Variants in ADAMTS16 observed in about 807,000 individuals in gnomAD.
ADAMTS16 encodes ADAM metallopeptidase with thrombospondin type 1 motif 16.
In ADAMTS16, 94 loss-of-function variants were observed where a neutral mutation model predicts 145.8. That is an observed-to-expected ratio of 0.64 (90% CI 0.55 to 0.77). The LOEUF is 0.77. ADAMTS16 is among the 30% of genes least tolerant of loss of function. ADAMTS16 has a pLI of 0.00. For missense variants in ADAMTS16, 1,585 were observed against 1,591.5 expected, an observed-to-expected ratio of 1.00 and a Z score of 0.07; for synonymous variants, 659 against 604.3, an observed-to-expected ratio of 1.09 and a Z score of -1.33.
chr5:5,164,815 T>C (rs1356635967), intron 3 of ADAMTS16, among the ~76,000 whole-genome samples: 1 of 152,196 alleles, frequency 6.6e-6, no homozygotes, highest in Admixed American at 6.5e-5. Flanking sequence ...TAGCTGGGAC[T>C]ACAGGCGCCC....
chr5:5,188,655 AT>A (rs1735576970), intron 6 of ADAMTS16, among the ~76,000 whole-genome samples: 2 of 152,132 alleles, frequency 1.3e-5, no homozygotes, highest in African/African-American at 4.8e-5. Context: ...AAAACAAAGA[AT>A]TTTTTAGATG....
At chr5:5,268,583 C>T (rs1738346733) in intron 18 of ADAMTS16, among the ~76,000 whole-genome samples, 1 of 152,174 alleles carries the variant, frequency 6.6e-6, no homozygotes, top group African/African-American at 2.4e-5. Context: ...AATAACTGCC[C>T]AGAGGTATCC....
chr5:5,158,588 G>A (rs1303673278), intron 3 of ADAMTS16, among the ~76,000 whole-genome samples: 1 of 152,190 alleles, frequency 6.6e-6, no homozygotes, highest in African/African-American at 2.4e-5. Context: ...GGCAAGTGCT[G>A]TTCACATGTG....
chr5:5,180,421 G>T (rs1735309416), intron 3 of ADAMTS16, among the ~76,000 whole-genome samples: 1 of 152,176 alleles, frequency 6.6e-6, no homozygotes, highest in Non-Finnish European at 1.5e-5. Flanking sequence ...ATCCAGCAAT[G>T]CCATTGACAT....
rs150620292 is a variant in ADAMTS16 at position 5,156,033 on chromosome 5, C to T, written c.501+9578C>T. ...CACAAGGAACAGACAGGAAGTGAGGCGTAGACAGTCCGCAGGGGCTAGACA... is the reference window on the plus strand; with the variant it reads ...CACAAGGAACAGACAGGAAGTGAGGTGTAGACAGTCCGCAGGGGCTAGACA... On this transcript the variant is annotated intron_variant, in intron 3 of 22. Transcript: ENST00000274181. Among the ~76,000 whole-genome samples, 11 of 152,116 alleles carry T rather than the reference C, an allele frequency of 7.2e-5. 1 individual carries two copies. The highest frequency in any genetic ancestry group is 3.9e-4 in the Admixed American group (6 of 15,282).
chr5:5,173,762 A>G (rs1735113893), intron 3 of ADAMTS16, among the ~76,000 whole-genome samples: 1 of 152,128 alleles, frequency 6.6e-6, no homozygotes, highest in Non-Finnish European at 1.5e-5. Flanking sequence ...ATAACTCATT[A>G]CTTTTAACTG....
chr5:5,200,110 T>TCC (rs1460111740), intron 8 of ADAMTS16, 22 bp from the exon 9 acceptor site: 1 of 1,566,708 alleles, frequency 6.4e-7, no homozygotes, highest in Admixed American at 1.8e-5. Context: ...AAGAACCATC[T>TCC]CTCTCTCTCT....
chr5:5,161,100 T>C (rs929678357), intron 3 of ADAMTS16, among the ~76,000 whole-genome samples: 1 of 152,208 alleles, frequency 6.6e-6, no homozygotes, highest in African/African-American at 2.4e-5. Flanking sequence ...CACATGGCAT[T>C]ATCTATACTA....
chr5:5,288,868 G>C (rs889676004), intron 18 of ADAMTS16, among the ~76,000 whole-genome samples: 3 of 152,192 alleles, frequency 2.0e-5, no homozygotes, highest in African/African-American at 7.2e-5. Flanking sequence ...CACTCCAGCT[G>C]TATGATGCTG....
chr5:5,268,796 G>A (rs1738356119), intron 18 of ADAMTS16, among the ~76,000 whole-genome samples: 1 of 152,132 alleles, frequency 6.6e-6, no homozygotes, highest in South Asian at 2.1e-4. Context: ...GCCCACCTCT[G>A]TGGCTGCAGC....
intron 17 of ADAMTS16, among the ~76,000 whole-genome samples, chr5:5,252,599 T>C (rs1177961849): frequency 2.0e-5 from 3 of 152,222 alleles, no homozygotes; most frequent in African/African-American, 2.4e-5. Flanking sequence ...GGTAATTTTG[T>C]AAAAAGAGGA....
At chr5:5,151,979 TGTAA>T (rs1364481313) in intron 3 of ADAMTS16, among the ~76,000 whole-genome samples, 2 of 152,314 alleles carry the variant, frequency 1.3e-5, no homozygotes, top group South Asian at 2.1e-4. Context: ...AGATTCCACG[TGTAA>T]GTGAGACCAT....
chr5:5,295,268 T>TGCC (rs1739485692), intron 18 of ADAMTS16, among the ~76,000 whole-genome samples: 1 of 152,230 alleles, frequency 6.6e-6, no homozygotes, highest in Non-Finnish European at 1.5e-5. Flanking sequence ...CTCAATATTT[T>TGCC]ACTTTTGTCT....
chr5:5,318,574 G>A (rs1734150874), intron 22 of ADAMTS16, among the ~76,000 whole-genome samples: 1 of 152,108 alleles, frequency 6.6e-6, no homozygotes, highest in South Asian at 2.1e-4. Context: ...TTCTCCCTAG[G>A]ATAAACAAAA....
At chr5:5,206,417 C>T (rs1383801917) in intron 9 of ADAMTS16, among the ~76,000 whole-genome samples, 1 of 44,978 alleles carries the variant, frequency 2.2e-5, no homozygotes, top group Non-Finnish European at 4.0e-5. Flanking sequence ...CAGAGCGAGA[C>T]TCCGTCTCAA....
At chr5:5,316,179 C>T (rs1734050254) in intron 21 of ADAMTS16, among the ~76,000 whole-genome samples, 1 of 152,170 alleles carries the variant, frequency 6.6e-6, no homozygotes, top group Non-Finnish European at 1.5e-5. Flanking sequence ...AGAACCAGCC[C>T]CAGGCCTGAT....
intron 17 of ADAMTS16, among the ~76,000 whole-genome samples, chr5:5,254,682 G>A (rs1183537972): frequency 1.3e-5 from 2 of 151,976 alleles, no homozygotes; most frequent in Non-Finnish European, 2.9e-5. Flanking sequence ...CCATTACATG[G>A]TGAAATATAT....
At chr5:5,314,575 T>A (rs1394431878) in intron 21 of ADAMTS16, among the ~76,000 whole-genome samples, 1 of 152,248 alleles carries the variant, frequency 6.6e-6, no homozygotes, top group East Asian at 1.9e-4. Context: ...CATCTCCTAG[T>A]ATATCACCAT....
At chr5:5,206,385 C>T (rs1391948153) in intron 9 of ADAMTS16, among the ~76,000 whole-genome samples, 1 of 104,172 alleles carries the variant, frequency 9.6e-6, no homozygotes, top group Non-Finnish European at 1.8e-5. Flanking sequence ...GAGATCCCGC[C>T]ACTGCACTCC....
Sources: allele counts gnomAD v4.1 joint callset (sites outside exome capture counted in the v4.1 genomes callset), GRCh38; gene constraint gnomAD v4.1.1; transcripts MANE v1.5; gene names NCBI Gene and HGNC (gene_info 2026-07-23, HGNC 2026-07-21).